The following SRRT variants were observed in gnomAD, a reference collection of about 807,000 sequenced individuals.
SRRT encodes the protein serrate RNA effector molecule homolog.
SRRT carries 32 observed loss-of-function variants against 103.2 expected under a neutral mutation model. The ratio of observed to expected loss-of-function variants is 0.31; its 90% confidence interval spans 0.23 to 0.42. The LOEUF (loss-of-function observed/expected upper bound fraction) is 0.42, where lower values mean the gene tolerates loss of function less well. Among genes scored for constraint, SRRT ranks in the 10% least tolerant of loss-of-function variants. SRRT has a pLI of 1.00. For synonymous variants in SRRT, 525 were observed against 449.0 expected (o/e 1.17, Z -2.14); for missense variants, 986 against 1,207.5 (o/e 0.82, Z 2.72).
At chr7:100,886,218 G>T (rs753822508) in intron 12 of SRRT, 29 bp from the exon 13 acceptor site, 3 of 1,599,536 alleles carry the variant, frequency 1.9e-6, no homozygotes, top group South Asian at 2.2e-5. Context: ...GGTAAGTGGG[G>T]TAAGCTGCTG....
At position 100,875,417 on chromosome 7, in the gene SRRT, G is replaced by A. The variant is rs774213468; in HGVS notation, c.-19+89G>A. 2.8e-6 allele frequency: 4 copies of A among 1,441,800 alleles called. 1 individual carries two copies. The highest frequency in any genetic ancestry group is 2.5e-5 in the East Asian group (1 of 40,168). The allele number at this position is 1,441,800 out of a possible 1,614,324, so 89.3% of individuals were successfully genotyped here. A position where few individuals can be genotyped will look rare whatever the true frequency, so the allele number is the denominator to read the frequency against. ...GCGGGCGCGGAGAAACTCGGGGCGAGTGGAGGTGTTGGAGCCGCGTTCTCA... is the reference window on the plus strand; with the variant it reads ...GCGGGCGCGGAGAAACTCGGGGCGAATGGAGGTGTTGGAGCCGCGTTCTCA... On this transcript the variant is annotated intron_variant, in intron 1 of 19. Transcript: ENST00000611405.
At chr7:100,883,780 G>T (rs2115823767) in intron 5 of SRRT, among the ~76,000 whole-genome samples, 1 of 152,252 alleles carries the variant, frequency 6.6e-6, no homozygotes, top group South Asian at 2.1e-4. Flanking sequence ...ATTTAAAGTG[G>T]TAAATCTGCC....
chr7:100,878,094 T>C (rs948158901), intron 2 of SRRT, among the ~76,000 whole-genome samples: 1 of 152,154 alleles, frequency 6.6e-6, no homozygotes, highest in Non-Finnish European at 1.5e-5. Context: ...GGTGGATTGC[T>C]TGAGCCCAGG....
In SRRT at chr7:100,875,315, G is replaced by A; in HGVS notation, c.-32G>A. On this transcript the variant is annotated 5_prime_UTR_variant, in exon 1 of 20. Coordinates refer to ENST00000611405, the MANE Select transcript of SRRT (RefSeq NM_015908.6). Reference sequence around the variant, plus strand: ...CCGTCCGAGCGCGAGTCCAACGGCCGCGGCCGCACCAAGGTGGGGGAGGGG... The same window carrying A: ...CCGTCCGAGCGCGAGTCCAACGGCCACGGCCGCACCAAGGTGGGGGAGGGG... 1 of 1,136,280 alleles carries A rather than the reference G, an allele frequency of 8.8e-7. No individual in the cohort carries two copies. Among genetic ancestry groups the A allele is most frequent in the Non-Finnish European group, 1.1e-6 (1 of 894,948 alleles). The allele number at this position is 1,136,280 out of a possible 1,614,324, so 70.4% of individuals were successfully genotyped here. A position where few individuals can be genotyped will look rare whatever the true frequency, so the allele number is the denominator to read the frequency against.
At chr7:100,883,319 T>G (rs745696719) in intron 5 of SRRT, among the ~76,000 whole-genome samples, 1 of 152,224 alleles carries the variant, frequency 6.6e-6, no homozygotes, top group Non-Finnish European at 1.5e-5. Flanking sequence ...CCCTTTGTTT[T>G]CGGTTTCTGG....
chr7:100,875,962 A>T (rs1245031849), intron 2 of SRRT: 1 of 435,960 alleles, frequency 2.3e-6, no homozygotes, highest in Admixed American at 3.5e-5. Flanking sequence ...TTATACATGC[A>T]CGAAAAGCGT....
Position 100,884,422 on chromosome 7 carries a change from A to C in SRRT, c.812A>C (p.Glu271Ala), listed in dbSNP as rs1430136753. 1.2e-6 allele frequency: 2 copies of C among 1,611,892 alleles called. No homozygotes were observed. Among genetic ancestry groups the C allele is most frequent in the Non-Finnish European group, 1.7e-6 (2 of 1,178,622 alleles). Reference sequence around the variant, plus strand: ...AATGATCTTCGCATCCTGGAGCAGGAGGAGGAGGAGGAGCAGGCAGGAAAG... The same window carrying C: ...AATGATCTTCGCATCCTGGAGCAGGCGGAGGAGGAGGAGCAGGCAGGAAAG... ...TENDLRILEQ[E>A]EEEEQAGKPG... Residue 271 changes from glutamate to alanine, a missense_variant, in exon 7 of 20, where the codon GAG becomes GCG. Transcript: ENST00000611405.
Position 100,888,625 on chromosome 7 carries a change from T to G in SRRT, c.*76T>G, listed in dbSNP as rs1198460731. ...CCTATGAAGCTCTGAGAATTTTTTG[T>G]ACGATCAGCCTTACTGCTAATAAAA... On this transcript the variant is annotated 3_prime_UTR_variant, in exon 20 of 20. Transcript: ENST00000611405. 1 of 1,586,360 alleles carries G rather than the reference T, an allele frequency of 6.3e-7. No individual in the cohort carries two copies.
intron 2 of SRRT, chr7:100,875,959 T>C (rs1312194788): frequency 4.5e-6 from 2 of 445,274 alleles, no homozygotes; most frequent in Non-Finnish European, 8.3e-6. Flanking sequence ...TGTTTATACA[T>C]GCACGAAAAG....
intron 2 of SRRT, among the ~76,000 whole-genome samples, chr7:100,877,549 T>C (rs937214241): frequency 1.3e-4 from 20 of 151,552 alleles, no homozygotes; most frequent in South Asian, 1.3e-3. Flanking sequence ...TGACACAGAA[T>C]CTTGCTCTGT....
intron 2 of SRRT, chr7:100,875,957 C>T (rs913010486): frequency 5.1e-5 from 23 of 453,392 alleles, no homozygotes; most frequent in South Asian, 4.9e-4. Flanking sequence ...ACTGTTTATA[C>T]ATGCACGAAA....
At chr7:100,886,581 C>T in intron 13 of SRRT, 146 bp downstream of exon 13, 1 of 979,364 alleles carries the variant, frequency 1.0e-6, no homozygotes. Context: ...GGTAGCAGCA[C>T]CTCCAGATTC....
In SRRT at chr7:100,884,119, G is replaced by T. The variant is rs769097135; in HGVS notation, c.637G>T (p.Ala213Ser). Residue 213 changes from alanine (A) to serine (S), a missense_variant, in exon 6 of 20, where the codon GCC (alanine) becomes TCC (serine). By Grantham distance (99) the Ala-to-Ser change is moderately conservative. This residue lies in a region of SRRT where 274 missense variants were observed against 358.5 expected (regional missense o/e 0.76). Transcript: ENST00000611405. ...PDEVGKRRQE[A>S]RGALQNRLRV... ...TGAGGTGGGGAAGCGTCGGCAGGAG[G>T]CCCGGGGGGCCCTGCAAAACCGACT... 2 of 1,611,244 alleles carry T rather than the reference G, an allele frequency of 1.2e-6. No homozygotes were observed. Among genetic ancestry groups the T allele is most frequent in the South Asian group, 1.1e-5 (1 of 90,778 alleles).
intron 2 of SRRT, among the ~76,000 whole-genome samples, chr7:100,876,245 G>A (rs1439357628): frequency 1.3e-5 from 2 of 152,160 alleles, no homozygotes; most frequent in Non-Finnish European, 2.9e-5. Flanking sequence ...TTCGCCTCTG[G>A]GGTTCAAGTA....
chr7:100,880,181 C>T (rs1443263182), intron 2 of SRRT, among the ~76,000 whole-genome samples: 3 of 152,134 alleles, frequency 2.0e-5, no homozygotes, highest in Admixed American at 6.5e-5. Context: ...CAGTAATTAG[C>T]GGTGAGGGTA....
rs111421629 is a variant in SRRT, at chr7:100,885,951, G to C, written c.1458+10G>C. 2.0e-4 allele frequency: 320 copies of C among 1,613,678 alleles called. 2 individuals are homozygous for C. In the African/African-American group the frequency reaches 3.1e-3, roughly 16 times the overall value. The stretch of plus-strand genomic sequence containing the variant: ...CCTGCAGAACATCCGTGTGAGTGCT[G>C]GGGGTGGGACTGTGGGGAAGAGGAA... On this transcript the variant is annotated intron_variant, in intron 12 of 19. Transcript: ENST00000611405. This position sits in a 1 kb window ranked among gnomAD's most constrained non-coding sequence, Gnocchi z 4.8.
At position 100,881,737 on chromosome 7, in the gene SRRT, C is replaced by A; in HGVS notation, c.330C>A (p.Gly110=). 6.2e-7 allele frequency: 1 copy of A among 1,613,838 alleles called. No individual in the cohort carries two copies. Among genetic ancestry groups the A allele is most frequent in the Non-Finnish European group, 8.5e-7 (1 of 1,179,976 alleles). The change falls in exon 4 of 20, where the codon GGC becomes GGA. Residue 110 remains glycine, a synonymous_variant. Transcript: ENST00000611405. ...GGGGGGGTGGGGGCCCAACTTATGG[C>A]CCCCCTCAGCCCTGGGGCCACCCTG... The part of the protein sequence containing the change: ...YAGGGGGPTY[G]PPQPWGHPDV...
Position 100,885,164 on chromosome 7 carries a change from A to G in SRRT, c.1160-49A>G, listed in dbSNP as rs1202380119. 1 of 1,604,656 alleles carries G rather than the reference A, an allele frequency of 6.2e-7. No individual in the cohort carries two copies. The highest frequency in any genetic ancestry group is 1.1e-5 in the South Asian group (1 of 90,548). Reference sequence around the variant, plus strand: ...AAGCTTCTGTATCCTCCCCACCACAATCAGTAATAAAAATGCACCAACTCC... The same window carrying G: ...AAGCTTCTGTATCCTCCCCACCACAGTCAGTAATAAAAATGCACCAACTCC... On this transcript the variant is annotated intron_variant, in intron 9 of 19. Coordinates refer to ENST00000611405, the MANE Select transcript of SRRT (RefSeq NM_015908.6). The surrounding 1 kb of genome is among the most constrained non-coding windows in gnomAD (Gnocchi z 4.8).
intron 1 of SRRT, 24 bp downstream of exon 1, chr7:100,875,352 G>A: frequency 1.6e-6 from 2 of 1,279,732 alleles, no homozygotes; most frequent in Non-Finnish European, 2.0e-6. Context: ...GGAGCCTGGG[G>A]GGCCCCGCTG....
Sources: gnomAD v4.1 joint callset for allele counts (sites outside exome capture counted in the v4.1 genomes callset) on GRCh38, gnomAD v4.1.1 for gene constraint, gnomAD v4.1.1 regional missense constraint, Gnocchi (gnomAD v3.1) non-coding constraint, MANE v1.5 for transcripts, NCBI Gene and HGNC (gene_info 2026-07-23, HGNC 2026-07-21) for gene names.